The following C2orf76 variants were observed in gnomAD, a reference collection of about 807,000 sequenced individuals.
C2orf76 encodes chromosome 2 open reading frame 76, also known as UPF0538 protein C2orf76.
A neutral mutation model predicts 16.9 loss-of-function variants in C2orf76; 23 were observed. The ratio of observed to expected loss-of-function variants is 1.36; its 90% CI spans 0.98 to 1.93. The LOEUF is 1.93. Ranked by LOEUF, C2orf76 falls within the 30% of genes most tolerant of loss-of-function variation. The pLI, the probability that C2orf76 is intolerant of heterozygous loss-of-function variation, is 0.00. For missense variants in C2orf76, 152 were observed against 152.6 expected, an observed-to-expected ratio of 1.00 and a Z score of 0.02; for synonymous variants, 48 against 52.3, an observed-to-expected ratio of 0.92 and a Z score of 0.35.
intron 1 of C2orf76, among the ~76,000 whole-genome samples, chr2:119,361,268 C>G (rs11903162): frequency 0.18 from 28,002 of 152,098 alleles, 2,666 homozygotes; most frequent in African/African-American, 0.21. Flanking sequence ...ATGAAAAATT[C>G]CAGAAGTAAA....
chr2:119,297,044 T>TTGC, the C2orf76 span, among the ~76,000 whole-genome samples: 142 of 152,340 alleles, frequency 9.3e-4, 1 homozygote, highest in South Asian at 5.0e-3. Context: ...CAAAATGAAG[T>TTGC]TGCTGCTGCT....
At chr2:119,304,869 T>C (rs1678726851) in intron 5 of C2orf76, among the ~76,000 whole-genome samples, 1 of 152,208 alleles carries the variant, frequency 6.6e-6, no homozygotes, top group African/African-American at 2.4e-5. Flanking sequence ...TGAAAACCAA[T>C]TATAAATGAT....
intron 4 of C2orf76, among the ~76,000 whole-genome samples, chr2:119,312,179 T>C (rs752185): frequency 0.044 from 6,686 of 152,308 alleles, 213 homozygotes; most frequent in East Asian, 0.13. Flanking sequence ...CATCCTCACC[T>C]GGTCAGCGAC....
intron 1 of C2orf76, among the ~76,000 whole-genome samples, chr2:119,364,039 G>GACAGACAGAC (rs1553451432): frequency 6.8e-6 from 1 of 147,574 alleles, no homozygotes; most frequent in South Asian, 2.2e-4. Context: ...GAGAGAGAGA[G>GACAGACAGAC]AGACAGACAG....
chr2:119,286,409 T>C, the C2orf76 span, among the ~76,000 whole-genome samples: 1 of 151,892 alleles, frequency 6.6e-6, no homozygotes, highest in Non-Finnish European at 1.5e-5. Flanking sequence ...CCAGGATGAA[T>C]GCTAGTCTGG....
intron 2 of C2orf76, among the ~76,000 whole-genome samples, chr2:119,335,825 C>T (rs964101122): frequency 1.3e-5 from 2 of 152,238 alleles, no homozygotes; most frequent in Non-Finnish European, 2.9e-5. Flanking sequence ...CTCAAAAATC[C>T]ATAAGCCCAG....
At chr2:119,305,942 C>CAAAAAAAAAAAAAAAAAAAA (rs61325292) in intron 5 of C2orf76, among the ~76,000 whole-genome samples, 2 of 119,640 alleles carry the variant, frequency 1.7e-5, no homozygotes, top group East Asian at 2.3e-4. Context: ...AAAACAACAA[C>CAAAAAAAAAAAAAAAAAAAA]AAAAAAAAAA....
At chr2:119,324,506 T>C (rs758478172) in intron 2 of C2orf76, among the ~76,000 whole-genome samples, 1 of 152,232 alleles carries the variant, frequency 6.6e-6, no homozygotes, top group African/African-American at 2.4e-5. Flanking sequence ...TAACAAATTA[T>C]CACAAACTGC....
chr2:119,330,437 T>C (rs1279596143), intron 2 of C2orf76, among the ~76,000 whole-genome samples: 1 of 152,158 alleles, frequency 6.6e-6, no homozygotes, highest in Non-Finnish European at 1.5e-5. Context: ...AATTTCATCT[T>C]TGTTCCTTTT....
At chr2:119,331,727 A>T (rs1679682773) in intron 2 of C2orf76, among the ~76,000 whole-genome samples, 2 of 152,216 alleles carry the variant, frequency 1.3e-5, no homozygotes, top group Admixed American at 1.3e-4. Flanking sequence ...TCCCAGGGAA[A>T]TGATTGTTTT....
At chr2:119,336,179 G>A (rs1398810392) in intron 2 of C2orf76, among the ~76,000 whole-genome samples, 1 of 151,932 alleles carries the variant, frequency 6.6e-6, no homozygotes, top group South Asian at 2.1e-4. Flanking sequence ...CGGATCTCTT[G>A]AGATCAGAAG....
At chr2:119,357,041 G>A (rs986664468) in intron 1 of C2orf76, among the ~76,000 whole-genome samples, 3 of 152,022 alleles carry the variant, frequency 2.0e-5, no homozygotes, top group Admixed American at 6.6e-5. Flanking sequence ...AGAACCTGAT[G>A]AGGTGCCTGG....
chr2:119,286,104 T>C, the C2orf76 span, among the ~76,000 whole-genome samples: 4 of 151,558 alleles, frequency 2.6e-5, no homozygotes, highest in Non-Finnish European at 4.4e-5. Context: ...TGGGCACCTG[T>C]AGTCCCAGCT....
chr2:119,311,034 A>T (rs1410347269), intron 5 of C2orf76: 1 of 481,942 alleles, frequency 2.1e-6, no homozygotes, highest in Non-Finnish European at 2.7e-6. Flanking sequence ...TTAGGTGTAC[A>T]TATACGTAGA....
the C2orf76 span, among the ~76,000 whole-genome samples, chr2:119,292,792 T>C: frequency 6.6e-6 from 1 of 152,166 alleles, no homozygotes; most frequent in Non-Finnish European, 1.5e-5. Flanking sequence ...CCCAGCACTT[T>C]GGGAGGCTAA....
chr2:119,324,485 T>C (rs1023788488), intron 2 of C2orf76, among the ~76,000 whole-genome samples: 2 of 152,230 alleles, frequency 1.3e-5, no homozygotes, highest in African/African-American at 4.8e-5. Flanking sequence ...CCTAGGACCA[T>C]GTCCGGCCCA....
At chr2:119,361,920 GTCTCTCCCTGT>G (rs1680758970) in intron 1 of C2orf76, among the ~76,000 whole-genome samples, 1 of 152,132 alleles carries the variant, frequency 6.6e-6, no homozygotes, top group African/African-American at 2.4e-5. Context: ...TTGAGGCAGG[GTCTCTCCCTGT>G]TGCCTAGGCT....
At chr2:119,347,241 A>C (rs1344636573) in intron 1 of C2orf76, among the ~76,000 whole-genome samples, 1 of 152,210 alleles carries the variant, frequency 6.6e-6, no homozygotes. Flanking sequence ...GGAGGCCATC[A>C]GCCAAGTTCA....
intron 5 of C2orf76, among the ~76,000 whole-genome samples, chr2:119,305,955 A>C (rs6733705): frequency 6.6e-6 from 1 of 151,924 alleles, no homozygotes; most frequent in African/African-American, 2.4e-5. Flanking sequence ...AAAAAAAAAA[A>C]AACAAAAAAA....
Sources: allele counts gnomAD v4.1 joint callset (sites outside exome capture counted in the v4.1 genomes callset), GRCh38; gene constraint gnomAD v4.1.1; transcripts MANE v1.5; gene names NCBI Gene and HGNC (gene_info 2026-07-23, HGNC 2026-07-21).